LEMD3: variants seen among roughly 807,000 people sequenced by gnomAD.
LEMD3 encodes the protein LEM domain containing 3, also known as inner nuclear membrane protein Man1.
A neutral mutation model predicts 95.2 loss-of-function variants in LEMD3; 33 were observed. The observed-to-expected ratio is 0.35, with a 90% CI of 0.26 to 0.46. The LOEUF (loss-of-function observed/expected upper bound fraction) is 0.46. Among genes scored for constraint, LEMD3 ranks in the 20% least tolerant of loss-of-function variants. LEMD3 has a pLI of 1.00. For synonymous variants in LEMD3, 525 were observed against 474.6 expected (o/e 1.11, Z -1.38); for missense variants, 1,210 against 1,192.8 (o/e 1.01, Z -0.21).
chr12:65,242,515 G>C (rs941730166), intron 9 of LEMD3, among the ~76,000 whole-genome samples: 7 of 152,180 alleles, frequency 4.6e-5, no homozygotes, highest in Non-Finnish European at 8.8e-5. Flanking sequence ...AGTGTTCCTA[G>C]TCTAGTTAAT....
At chr12:65,200,143 C>G (rs1227240446) in intron 1 of LEMD3, among the ~76,000 whole-genome samples, 1 of 152,006 alleles carries the variant, frequency 6.6e-6, no homozygotes, top group African/African-American at 2.4e-5. Context: ...GGTCACCGGC[C>G]TAGTCTTCAT....
chr12:65,209,237 T>A lies in LEMD3; in HGVS notation c.1523-1689T>A, dbSNP rs1476532145. 5.3e-5 allele frequency among the ~76,000 whole-genome samples: 8 copies of A among 152,152 alleles called. No homozygotes were observed. In the East Asian group the frequency reaches 1.5e-3, roughly 29 times the overall value. On this transcript the variant is annotated intron_variant, in intron 1 of 12. Coordinates refer to ENST00000308330, the MANE Select transcript of LEMD3 (RefSeq NM_014319.5). ...ATTTACAGTTATGCTTTTATGGAGCTACTCACAGAGCTGATTTTCCATTTG... is the reference window on the plus strand; with the variant it reads ...ATTTACAGTTATGCTTTTATGGAGCAACTCACAGAGCTGATTTTCCATTTG...
intron 4 of LEMD3, among the ~76,000 whole-genome samples, chr12:65,237,630 A>G (rs1311139624): frequency 6.6e-6 from 1 of 152,226 alleles, no homozygotes. Flanking sequence ...TTTCAGATGC[A>G]TTGGTCACAT....
intron 1 of LEMD3, among the ~76,000 whole-genome samples, chr12:65,200,365 C>T (rs925364768): frequency 6.6e-5 from 10 of 152,108 alleles, no homozygotes; most frequent in Admixed American, 6.5e-4. Flanking sequence ...GAGTGTACTT[C>T]TGGTTCAATA....
chr12:65,219,609 A>T (rs1384142919), intron 4 of LEMD3, among the ~76,000 whole-genome samples: 1 of 152,180 alleles, frequency 6.6e-6, no homozygotes, highest in African/African-American at 2.4e-5. Context: ...CATATTTTTA[A>T]GTATACCGTA....
In LEMD3 at chr12:65,170,831, C is replaced by G. The variant is rs751075559; in HGVS notation, c.1235C>G (p.Pro412Arg). The G allele has an allele frequency of 1.9e-6, 3 of 1,614,222 alleles. No homozygotes were observed. Among genetic ancestry groups the G allele is most frequent in the Non-Finnish European group, 2.5e-6 (3 of 1,180,032 alleles). ...SPRIYSNSLPPSAAVAASSSL... is the reference protein window; with the variant it reads ...SPRIYSNSLPRSAAVAASSSL... ...AGGATTTATTCTAACAGTCTCCCTC[C>G]CAGTGCGGCGGTGGCCGCCTCTAGT... The change falls in exon 1 of 13, where the codon CCC becomes CGC. Residue 412 changes from proline (P) to arginine (R), a missense_variant. Transcript: ENST00000308330.
rs1434268243 is a variant in LEMD3, at chr12:65,170,006, T to TG, written c.413dup (p.Phe139LeufsTer46). ...CCCGCGGCTGGCAGCAAAGTGCTGC[T>TG]GGGCTTCAGCTCGGACGAGTCGGAC... On this transcript the variant is annotated frameshift_variant, in exon 1 of 13. Transcript: ENST00000308330. LOFTEE classifies it high-confidence loss of function. 1 of 1,498,356 alleles carries TG rather than the reference T, an allele frequency of 6.7e-7. No homozygotes were observed. The highest frequency in any genetic ancestry group is 8.8e-7 in the Non-Finnish European group (1 of 1,134,372). The allele number at this position is 1,498,356 out of a possible 1,614,324, so 92.8% of individuals were successfully genotyped here. A position where few individuals can be genotyped will look rare whatever the true frequency, so the allele number is the denominator to read the frequency against.
chr12:65,169,708 G>T lies in LEMD3; in HGVS notation c.112G>T (p.Val38Phe). The T allele has an allele frequency of 6.3e-7, 1 of 1,585,768 alleles. No homozygotes were observed. Among genetic ancestry groups the T allele is most frequent in the South Asian group, 1.1e-5 (1 of 87,174 alleles). Residue 38 changes from valine to phenylalanine, a missense_variant, in exon 1 of 13, where the codon GTC becomes TTC. Transcript: ENST00000308330. ...PGPVTESTRP[V>F]YLKKLKKLRE... The stretch of plus-strand genomic sequence containing the variant: ...ACCAGTGACGGAGAGCACCCGCCCG[G>T]TCTACCTCAAGAAGCTGAAGAAGCT...
chr12:65,190,936 G>A (rs1440510958), intron 1 of LEMD3, among the ~76,000 whole-genome samples: 5 of 152,044 alleles, frequency 3.3e-5, no homozygotes, highest in Non-Finnish European at 7.4e-5. Context: ...GATAGCTTAA[G>A]AGAAAAGAAA....
In LEMD3 at chr12:65,170,077, G is replaced by C. The variant is rs1247974000; in HGVS notation, c.481G>C (p.Asp161His). 6.7e-7 allele frequency: 1 copy of C among 1,486,860 alleles called. No homozygotes were observed. Among genetic ancestry groups the C allele is most frequent in the Non-Finnish European group, 8.9e-7 (1 of 1,128,220 alleles). 92.1% of individuals were successfully genotyped at this position (1,486,860 alleles called of 1,614,324 possible). A position where few individuals can be genotyped will look rare whatever the true frequency, so the allele number is the denominator to read the frequency against. ...RDQAGGGGRK[D>H]RASLQYRGLK... ...CCAGGCCGGCGGCGGCGGGAGGAAA[G>C]ACCGGGCTTCGCTCCAGTACCGCGG... The change falls in exon 1 of 13, where the codon GAC becomes CAC. Residue 161 changes from aspartate to histidine, a missense_variant. Physicochemically the swap from Asp to His is moderately conservative, Grantham distance 81. Around this residue, in one of 2 missense-constraint regions of LEMD3, gnomAD observed 749 missense variants for 622.9 expected, o/e 1.20. Transcript: ENST00000308330.
chr12:65,179,583 C>G (rs1045230374), intron 1 of LEMD3, among the ~76,000 whole-genome samples: 2 of 152,070 alleles, frequency 1.3e-5, no homozygotes, highest in African/African-American at 4.8e-5. Flanking sequence ...AATTTTATTA[C>G]TAATGATATA....
chr12:65,211,285 A>C (rs1230648703), intron 2 of LEMD3, among the ~76,000 whole-genome samples: 1 of 152,122 alleles, frequency 6.6e-6, no homozygotes, highest in Non-Finnish European at 1.5e-5. Flanking sequence ...CTTGTCTTAC[A>C]CTTAGAAGTA....
intron 4 of LEMD3, among the ~76,000 whole-genome samples, chr12:65,221,746 T>TC (rs1565793489): frequency 6.6e-6 from 1 of 150,448 alleles, no homozygotes. Flanking sequence ...CTTTTTTTTT[T>TC]TTTTTTTTCC....
At chr12:65,201,160 G>C (rs919595164) in intron 1 of LEMD3, among the ~76,000 whole-genome samples, 1 of 151,994 alleles carries the variant, frequency 6.6e-6, no homozygotes, top group African/African-American at 2.4e-5. Flanking sequence ...TGATCTTTTT[G>C]TCTGTTCTTT....
At chr12:65,231,374 ATT>A (rs1034101322) in intron 4 of LEMD3, among the ~76,000 whole-genome samples, 2 of 152,050 alleles carry the variant, frequency 1.3e-5, no homozygotes, top group Non-Finnish European at 2.9e-5. Flanking sequence ...AATAATGCTT[ATT>A]TTTTCAACAT....
At chr12:65,185,305 C>T (rs1264668365) in intron 1 of LEMD3, among the ~76,000 whole-genome samples, 1 of 152,092 alleles carries the variant, frequency 6.6e-6, no homozygotes, top group East Asian at 1.9e-4. Flanking sequence ...CTAAATTGTT[C>T]TTTATCCTTA....
intron 1 of LEMD3, among the ~76,000 whole-genome samples, chr12:65,199,213 T>A (rs1377383548): frequency 6.6e-6 from 1 of 152,158 alleles, no homozygotes; most frequent in Non-Finnish European, 1.5e-5. Flanking sequence ...TCAAACATTC[T>A]TTTTTGAGTT....
intron 2 of LEMD3, among the ~76,000 whole-genome samples, chr12:65,212,536 CAAAAAAAAAA>C (rs35873080): frequency 9.7e-6 from 1 of 103,446 alleles, no homozygotes; most frequent in Admixed American, 1.0e-4. Flanking sequence ...GACTCCATCT[CAAAAAAAAAA>C]AAAAAAAAAA....
intron 1 of LEMD3, chr12:65,171,532 A>C: frequency 4.7e-6 from 1 of 214,650 alleles, no homozygotes; most frequent in South Asian, 7.1e-5. Context: ...AGGCAATGTA[A>C]TAGCTCTTGA....
Sources: gnomAD v4.1 joint callset for allele counts (sites outside exome capture counted in the v4.1 genomes callset) on GRCh38, gnomAD v4.1.1 for gene constraint, gnomAD v4.1.1 regional missense constraint, MANE v1.5 for transcripts, NCBI Gene and HGNC (gene_info 2026-07-23, HGNC 2026-07-21) for gene names.